The following FAM13A variants were observed in gnomAD, a reference collection of about 807,000 sequenced individuals.
The protein encoded by FAM13A is family with sequence similarity 13 member A, also known as protein FAM13A.
FAM13A carries 76 observed loss-of-function variants against 129.6 expected under a neutral mutation model. The ratio of observed to expected loss-of-function variants is 0.59; its 90% confidence interval spans 0.49 to 0.71. The LOEUF (loss-of-function observed/expected upper bound fraction) is 0.71. FAM13A is among the 30% of genes least tolerant of loss of function. The probability of loss-of-function intolerance (pLI) is 0.00; values close to 1 mark genes in which losing one functional copy is unlikely to be tolerated. For missense variants in FAM13A, 1,108 were observed against 1,249.3 expected (o/e 0.89, Z 1.70); for synonymous variants, 443 against 449.9 (o/e 0.98, Z 0.20).
intron 3 of FAM13A, among the ~76,000 whole-genome samples, chr4:89,012,986 A>G (rs1046733242): frequency 6.6e-6 from 1 of 152,216 alleles, no homozygotes; most frequent in Non-Finnish European, 1.5e-5. Context: ...AATTACATCA[A>G]AACAACTTTA....
intron 6 of FAM13A, among the ~76,000 whole-genome samples, chr4:88,878,153 G>A (rs1000427928): frequency 3.9e-5 from 6 of 151,904 alleles, no homozygotes; most frequent in East Asian, 1.9e-4. Context: ...AGCCAGGCGT[G>A]GTGGCGGGTG....
At chr4:88,961,018 C>G (rs1432415795) in intron 4 of FAM13A, among the ~76,000 whole-genome samples, 4 of 152,144 alleles carry the variant, frequency 2.6e-5, no homozygotes, top group Non-Finnish European at 5.9e-5. Flanking sequence ...TGCCCTCTTA[C>G]AGTTTTTAGA....
intron 4 of FAM13A, among the ~76,000 whole-genome samples, chr4:88,947,088 G>C (rs1186355579): frequency 6.6e-6 from 1 of 152,030 alleles, no homozygotes; most frequent in East Asian, 1.9e-4. Flanking sequence ...CCTGCACGAG[G>C]CCCAAGATGA....
At chr4:88,967,476 C>T (rs538512144) in intron 4 of FAM13A, among the ~76,000 whole-genome samples, 58 of 152,264 alleles carry the variant, frequency 3.8e-4, no homozygotes, top group African/African-American at 1.3e-3. Context: ...TTTATGAGCA[C>T]GTTTATTGGT....
At chr4:88,739,273 A>G (rs755673064) in intron 19 of FAM13A, 148 bp from the exon 20 acceptor site, 1 of 620,986 alleles carries the variant, frequency 1.6e-6, no homozygotes, top group Non-Finnish European at 2.9e-6. Context: ...ATTTAAACTG[A>G]TAATATTATT....
At chr4:88,857,486 A>C (rs893341910) in intron 6 of FAM13A, among the ~76,000 whole-genome samples, 4 of 151,982 alleles carry the variant, frequency 2.6e-5, no homozygotes, top group Admixed American at 2.6e-4. Flanking sequence ...AAAATTAGCC[A>C]GGCATGGTGG....
chr4:88,747,068 T>C (rs1184604481), intron 18 of FAM13A, 53 bp from the exon 19 acceptor site: 2 of 1,197,436 alleles, frequency 1.7e-6, no homozygotes, highest in African/African-American at 3.0e-5. Context: ...TGTGTGAACA[T>C]TCCAACTTCT....
intron 11 of FAM13A, among the ~76,000 whole-genome samples, chr4:88,776,850 T>A (rs12651060): frequency 0.064 from 9,752 of 152,034 alleles, 630 homozygotes; most frequent in East Asian, 0.31. Flanking sequence ...GGTGTGCGCC[T>A]GTAAACCCAG....
intron 6 of FAM13A, among the ~76,000 whole-genome samples, chr4:88,887,712 T>C (rs1744683607): frequency 6.6e-6 from 1 of 151,988 alleles, no homozygotes. Context: ...TTTGTATTTT[T>C]AGTAGAGACA....
intron 3 of FAM13A, among the ~76,000 whole-genome samples, chr4:89,011,761 G>A (rs1048488485): frequency 1.3e-5 from 2 of 152,038 alleles, no homozygotes; most frequent in Admixed American, 6.5e-5. Context: ...AGTTAATGTT[G>A]TCTCCAATCT....
intron 19 of FAM13A, among the ~76,000 whole-genome samples, chr4:88,740,646 T>C (rs1340095815): frequency 6.6e-6 from 1 of 152,228 alleles, no homozygotes; most frequent in African/African-American, 2.4e-5. Context: ...CCATTTCTTT[T>C]ACGGGTTTTT....
intron 7 of FAM13A, 99 bp downstream of exon 7, chr4:88,850,921 T>G: frequency 9.4e-7 from 1 of 1,069,248 alleles, no homozygotes; most frequent in Non-Finnish European, 1.4e-6. Context: ...TCCTGTAAAC[T>G]CCAGTGGCAG....
chr4:88,996,783 T>C (rs535567898), intron 3 of FAM13A, among the ~76,000 whole-genome samples: 2 of 152,208 alleles, frequency 1.3e-5, no homozygotes, highest in African/African-American at 4.8e-5. Context: ...CTGGCAAATA[T>C]AAGCTCTTTT....
chr4:88,801,823 T>C (rs969127305), intron 8 of FAM13A, among the ~76,000 whole-genome samples: 3 of 151,892 alleles, frequency 2.0e-5, no homozygotes, highest in Admixed American at 6.6e-5. Flanking sequence ...ATGAAAGTGG[T>C]GTAGGGGAGG....
chr4:88,740,029 T>G (rs1478955371), intron 19 of FAM13A, among the ~76,000 whole-genome samples: 1 of 152,132 alleles, frequency 6.6e-6, no homozygotes, highest in Non-Finnish European at 1.5e-5. Flanking sequence ...TGGTATAGTA[T>G]TGGAAGCTCC....
At chr4:88,973,308 T>C (rs956448957) in intron 4 of FAM13A, among the ~76,000 whole-genome samples, 3 of 152,158 alleles carry the variant, frequency 2.0e-5, no homozygotes, top group Non-Finnish European at 4.4e-5. Context: ...TTTACAATTA[T>C]ACCACAGTAA....
chr4:88,737,312 G>A (rs1435364014), intron 21 of FAM13A, among the ~76,000 whole-genome samples, 160 bp downstream of exon 21: 3 of 152,308 alleles, frequency 2.0e-5, no homozygotes, highest in Non-Finnish European at 2.9e-5. Context: ...TAGAGGAACT[G>A]TTCAAAGTTG....
rs142741542 is a variant in FAM13A, at chr4:88,906,510, C to T, written c.760-48G>A. The T allele has an allele frequency of 8.2e-4, 1,059 of 1,299,172 alleles. 6 individuals are homozygous for T. The African/African-American group carries it at 0.013, about 17-fold the overall frequency. 80.5% of individuals were successfully genotyped at this position (1,299,172 alleles called of 1,614,324 possible). A position where few individuals can be genotyped will look rare whatever the true frequency, so the allele number is the denominator to read the frequency against. Reference sequence around the variant, plus strand: ...ACATTAGAGATTAAAGAACACTTACCCTAACCAAAAATTACAAGGTAGTGA... The same window carrying T: ...ACATTAGAGATTAAAGAACACTTACTCTAACCAAAAATTACAAGGTAGTGA... On this transcript the variant is annotated intron_variant, in intron 5 of 23. Coordinates refer to ENST00000264344, the MANE Select transcript of FAM13A (RefSeq NM_014883.4).
At chr4:88,802,092 C>A (rs998838747) in intron 8 of FAM13A, among the ~76,000 whole-genome samples, 1 of 152,080 alleles carries the variant, frequency 6.6e-6, no homozygotes, top group African/African-American at 2.4e-5. Flanking sequence ...GAGGTAGGGG[C>A]CCTGTTGTTT....
Sources: allele counts gnomAD v4.1 joint callset (sites outside exome capture counted in the v4.1 genomes callset), GRCh38; gene constraint gnomAD v4.1.1; transcripts MANE v1.5; gene names NCBI Gene and HGNC (gene_info 2026-07-23, HGNC 2026-07-21).